The following SHISA9 variants were observed in gnomAD, a reference collection of about 807,000 sequenced individuals.
SHISA9 encodes the protein protein shisa-9.
A neutral mutation model predicts 38.0 loss-of-function variants in SHISA9; 13 were observed. The observed-to-expected ratio is 0.34, with a 90% CI of 0.22 to 0.54. The LOEUF (loss-of-function observed/expected upper bound fraction) is 0.54, where lower values mean the gene tolerates loss of function less well. Ranked by LOEUF, SHISA9 falls within the 20% of genes least tolerant of loss-of-function variation. The pLI is 0.91. For missense variants in SHISA9, 538 were observed against 575.8 expected, an observed-to-expected ratio of 0.93 and a Z score of 0.67; for synonymous variants, 275 against 242.0, an observed-to-expected ratio of 1.14 and a Z score of -1.27.
At chr16:13,150,246 T>C (rs1293088535) in intron 2 of SHISA9, among the ~76,000 whole-genome samples, 1 of 152,114 alleles carries the variant, frequency 6.6e-6, no homozygotes, top group Non-Finnish European at 1.5e-5. Context: ...CTGTCTCATC[T>C]GCATGCACTG....
the SHISA9 span, among the ~76,000 whole-genome samples, chr16:13,358,225 C>G: frequency 3.3e-5 from 5 of 152,132 alleles, no homozygotes; most frequent in Admixed American, 6.5e-5. Context: ...AATCAATGGA[C>G]TAAAAGACCT....
intron 4 of SHISA9, among the ~76,000 whole-genome samples, chr16:13,214,814 A>G (rs2051152060): frequency 6.6e-6 from 1 of 152,208 alleles, no homozygotes; most frequent in African/African-American, 2.4e-5. Context: ...TCACAAGAAC[A>G]GCACAGGAAA....
chr16:13,265,105 C>T, the SHISA9 span, among the ~76,000 whole-genome samples: 2 of 108,782 alleles, frequency 1.8e-5, no homozygotes, highest in South Asian at 8.6e-4. Context: ...TCCTCCCTTC[C>T]CCTCCCCTCC....
intron 2 of SHISA9, among the ~76,000 whole-genome samples, chr16:13,037,886 C>A (rs1350072123): frequency 1.3e-5 from 2 of 152,194 alleles, no homozygotes; most frequent in Non-Finnish European, 2.9e-5. Context: ...GACTACTCCA[C>A]CAGTTTCTTT....
chr16:13,418,219 A>G, the SHISA9 span, among the ~76,000 whole-genome samples: 3 of 152,110 alleles, frequency 2.0e-5, no homozygotes, highest in Non-Finnish European at 4.4e-5. Context: ...GAAAAAAAAA[A>G]AGAGGTGCTC....
At chr16:12,990,847 A>G (rs1270956092) in intron 2 of SHISA9, among the ~76,000 whole-genome samples, 1 of 152,156 alleles carries the variant, frequency 6.6e-6, no homozygotes, top group African/African-American at 2.4e-5. Context: ...TGCGCATTAA[A>G]CCAAACATAT....
chr16:13,538,819 G>A, the SHISA9 span, among the ~76,000 whole-genome samples: 1 of 152,098 alleles, frequency 6.6e-6, no homozygotes, highest in Non-Finnish European at 1.5e-5. Context: ...CCCCTTGATT[G>A]CATCTTCAGT....
rs1294723508 is a variant in SHISA9 at position 13,235,021 on chromosome 16, G to A, written c.896-9G>A. On this transcript the variant is annotated splice_polypyrimidine_tract_variant and intron_variant, in intron 4 of 4. Coordinates refer to ENST00000558583, the MANE Select transcript of SHISA9 (RefSeq NM_001145204.3). ...TTCCCCTTCTTCATCCACCCGTTCC[G>A]ATGTGTAGCTGACAAGGTCAATGAC... 4.0e-6 allele frequency: 6 copies of A among 1,512,540 alleles called. No homozygotes were observed. The highest frequency in any genetic ancestry group is 5.1e-5 in the East Asian group (2 of 39,534). 93.7% of individuals were successfully genotyped at this position (1,512,540 alleles called of 1,614,324 possible). A position where few individuals can be genotyped will look rare whatever the true frequency, so the allele number is the denominator to read the frequency against.
the SHISA9 span, among the ~76,000 whole-genome samples, chr16:13,255,658 A>G: frequency 6.6e-6 from 1 of 152,144 alleles, no homozygotes; most frequent in Non-Finnish European, 1.5e-5. Context: ...GTCCCTGCAA[A>G]TTTCATGCTC....
chr16:13,245,824 T>C, the SHISA9 span, among the ~76,000 whole-genome samples: 2 of 152,168 alleles, frequency 1.3e-5, no homozygotes, highest in Non-Finnish European at 2.9e-5. Context: ...TCACCATGGA[T>C]GTCCCCATTT....
At chr16:13,390,891 T>C in the SHISA9 span, among the ~76,000 whole-genome samples, 1 of 152,206 alleles carries the variant, frequency 6.6e-6, no homozygotes, top group African/African-American at 2.4e-5. Context: ...GTCTGAGATA[T>C]CTCAGGCAAC....
At chr16:12,945,080 G>A (rs1317430776) in intron 2 of SHISA9, among the ~76,000 whole-genome samples, 2 of 152,176 alleles carry the variant, frequency 1.3e-5, no homozygotes, top group Admixed American at 1.3e-4. Context: ...CTTGAGGGCT[G>A]CTTCCAGGGG....
At chr16:13,403,245 G>T in the SHISA9 span, among the ~76,000 whole-genome samples, 5 of 152,128 alleles carry the variant, frequency 3.3e-5, no homozygotes, top group African/African-American at 4.8e-5. Flanking sequence ...ATCAACACTT[G>T]CCTGCCCTAT....
chr16:13,561,846 G>A, the SHISA9 span, among the ~76,000 whole-genome samples: 1 of 152,086 alleles, frequency 6.6e-6, no homozygotes, highest in Non-Finnish European at 1.5e-5. Context: ...TTTCCATATT[G>A]GTTGCAATTC....
At chr16:13,363,556 GA>G in the SHISA9 span, among the ~76,000 whole-genome samples, 4 of 152,162 alleles carry the variant, frequency 2.6e-5, no homozygotes, top group African/African-American at 9.7e-5. Context: ...CTGGACACAT[GA>G]AAAACTATGT....
intron 2 of SHISA9, among the ~76,000 whole-genome samples, chr16:13,188,781 TGTGA>T (rs1209690974): frequency 2.7e-5 from 4 of 147,652 alleles, no homozygotes; most frequent in African/African-American, 1.0e-4. Flanking sequence ...AAAGTATTAA[TGTGA>T]GTAAGGAAGA....
At chr16:13,439,716 C>G in the SHISA9 span, among the ~76,000 whole-genome samples, 2 of 152,176 alleles carry the variant, frequency 1.3e-5, no homozygotes, top group African/African-American at 4.8e-5. Context: ...ATCTTTAATA[C>G]CTTGAATGTG....
the SHISA9 span, among the ~76,000 whole-genome samples, chr16:13,259,969 A>C: frequency 5.7e-4 from 72 of 125,448 alleles, no homozygotes; most frequent in Non-Finnish European, 1.0e-3. Context: ...GCCAGCTTGC[A>C]TTTCTCCCCA....
intron 2 of SHISA9, among the ~76,000 whole-genome samples, chr16:12,995,187 G>A (rs529118338): frequency 2.0e-5 from 3 of 152,182 alleles, no homozygotes; most frequent in Admixed American, 6.5e-5. Context: ...CAAGGTAAAT[G>A]GGGAATCCAT....
Sources: gnomAD v4.1 joint callset for allele counts (sites outside exome capture counted in the v4.1 genomes callset) on GRCh38, gnomAD v4.1.1 for gene constraint, MANE v1.5 for transcripts, NCBI Gene and HGNC (gene_info 2026-07-23, HGNC 2026-07-21) for gene names.